DDIT4L: variants seen among roughly 807,000 people sequenced by gnomAD.
DDIT4L encodes DNA damage-inducible transcript 4-like protein.
DDIT4L carries 13 observed loss-of-function variants against 15.9 expected under a neutral mutation model. The observed-to-expected ratio is 0.82, with a 90% CI of 0.53 to 1.30. DDIT4L has a LOEUF of 1.30. Among genes scored for constraint, DDIT4L ranks in the 50% most tolerant of loss-of-function variants. The probability of loss-of-function intolerance (pLI) is 0.00; values close to 1 mark genes in which losing one functional copy is unlikely to be tolerated. For missense variants in DDIT4L, 235 were observed against 224.8 expected (o/e 1.05, Z -0.29); for synonymous variants, 82 against 85.4 (o/e 0.96, Z 0.22).
Position 100,186,175 on chromosome 4 carries a change from G to A in DDIT4L, c.*1502C>T, listed in dbSNP as rs989219410. The A allele has an allele frequency of 3.3e-5, 5 of 152,216 alleles. No individual in the cohort carries two copies. Among genetic ancestry groups the A allele is most frequent in the African/African-American group, 1.2e-4 (5 of 41,448 alleles). 9.4% of individuals were successfully genotyped at this position (152,216 alleles called of 1,614,324 possible). On this transcript the variant is annotated 3_prime_UTR_variant, in exon 3 of 3. Transcript: ENST00000273990. The stretch of plus-strand genomic sequence containing the variant: ...CAATTCTATAAAGATTGGCTTTGTA[G>A]TATCTTTCCAAGCATTTGAAGAGTT...
At chr4:100,189,870 G>C in intron 2 of DDIT4L, 23 bp downstream of exon 2, 1 of 1,610,910 alleles carries the variant, frequency 6.2e-7, no homozygotes, top group East Asian at 2.2e-5. Context: ...GAGGGGAGAA[G>C]GGTGGACAGC....
chr4:100,186,859 A>T lies in DDIT4L; in HGVS notation c.*818T>A, dbSNP rs182259904. On this transcript the variant is annotated 3_prime_UTR_variant, in exon 3 of 3. Transcript: ENST00000273990. The stretch of plus-strand genomic sequence containing the variant: ...GACTAGATCTCAGAACTAATTTCCT[A>T]TCCTCACAGGTATTCATCATTCACT... 23 of 152,332 alleles carry T rather than the reference A, an allele frequency of 1.5e-4. No individual in the cohort carries two copies. The highest frequency in any genetic ancestry group is 5.2e-4 in the Admixed American group (8 of 15,298). 9.4% of individuals were successfully genotyped at this position (152,332 alleles called of 1,614,324 possible).
chr4:100,187,597 C>A lies in DDIT4L; in HGVS notation c.*80G>T, dbSNP rs1723440246. The A allele has an allele frequency of 1.4e-6, 2 of 1,468,548 alleles. No individual in the cohort carries two copies. The highest frequency in any genetic ancestry group is 2.5e-5 in the East Asian group (1 of 39,560). 91.0% of individuals were successfully genotyped at this position (1,468,548 alleles called of 1,614,324 possible). ...GGTTTCTTATTTAGGGCAGGTGGGG[C>A]AAACTACAAATGACTTTAGCTGACT... On this transcript the variant is annotated 3_prime_UTR_variant, in exon 3 of 3. Transcript: ENST00000273990.
At position 100,187,482 on chromosome 4, in the gene DDIT4L, T is replaced by C. The variant is rs371763468; in HGVS notation, c.*195A>G. The stretch of plus-strand genomic sequence containing the variant: ...ATCTATGCAGAAAATCTACACTATT[T>C]TGAATCACTTCTCCAAAGGCCAGAA... On this transcript the variant is annotated 3_prime_UTR_variant, in exon 3 of 3. Coordinates refer to ENST00000273990, the MANE Select transcript of DDIT4L (RefSeq NM_145244.4). The C allele has an allele frequency of 7.0e-6, 4 of 569,232 alleles. No individual in the cohort carries two copies. In the East Asian group the frequency reaches 1.4e-4, roughly 20 times the overall value. The allele number at this position is 569,232 out of a possible 1,614,324, so 35.3% of individuals were successfully genotyped here. A position where few individuals can be genotyped will look rare whatever the true frequency, so the allele number is the denominator to read the frequency against.
chr4:100,190,379 C>G lies in DDIT4L; in HGVS notation c.-126G>C. On this transcript the variant is annotated 5_prime_UTR_variant, in exon 1 of 3. Transcript: ENST00000273990. ...AGGTGGCTTCTTAGGAGTCCCCTCTCCTGGGGACTCGGTGACCTGCAGACC... is the reference window on the plus strand; with the variant it reads ...AGGTGGCTTCTTAGGAGTCCCCTCTGCTGGGGACTCGGTGACCTGCAGACC... 4.5e-6 allele frequency: 1 copy of G among 221,386 alleles called. No homozygotes were observed. Among genetic ancestry groups the G allele is most frequent in the South Asian group, 6.1e-5 (1 of 16,510 alleles). The allele number at this position is 221,386 out of a possible 1,614,324, so 13.7% of individuals were successfully genotyped here. A position where few individuals can be genotyped will look rare whatever the true frequency, so the allele number is the denominator to read the frequency against.
chr4:100,189,797 A>G (rs1045053135), intron 2 of DDIT4L, 96 bp downstream of exon 2: 13 of 1,121,020 alleles, frequency 1.2e-5, no homozygotes, highest in African/African-American at 6.2e-5. Flanking sequence ...CACCTCCTAC[A>G]TAGAGGTAGG....
intron 2 of DDIT4L, among the ~76,000 whole-genome samples, chr4:100,188,451 C>T (rs1286722217): frequency 6.6e-6 from 1 of 152,152 alleles, no homozygotes; most frequent in Non-Finnish European, 1.5e-5. Flanking sequence ...ACACAAAACA[C>T]ACACACAACC....
intron 1 of DDIT4L, 115 bp from the exon 2 acceptor site, chr4:100,190,147 G>A (rs2110149499): frequency 3.2e-6 from 2 of 634,766 alleles, no homozygotes; most frequent in Non-Finnish European, 5.5e-6. Flanking sequence ...CTTTGCCAAA[G>A]GGGTGGAACC....
chr4:100,186,600 C>T lies in DDIT4L; in HGVS notation c.*1077G>A, dbSNP rs1468137874. The T allele has an allele frequency of 2.6e-5, 4 of 152,158 alleles. No individual in the cohort carries two copies. In the East Asian group the frequency reaches 7.7e-4, roughly 29 times the overall value. 9.4% of individuals were successfully genotyped at this position (152,158 alleles called of 1,614,324 possible). On this transcript the variant is annotated 3_prime_UTR_variant, in exon 3 of 3. Transcript: ENST00000273990. ...TGGACGGTGAGTTTCATTCTCTAGG[C>T]TGTACTATAAACCATATCTCCATAG... is the stretch of plus-strand genomic sequence containing the variant.
Position 100,188,092 on chromosome 4 carries a change from T to C in DDIT4L, c.167A>G (p.Asn56Ser), listed in dbSNP as rs551618170. 143 of 1,614,044 alleles carry C rather than the reference T, an allele frequency of 8.9e-5. 1 individual carries two copies. In the South Asian group the frequency reaches 1.5e-3, roughly 17 times the overall value. ...EVIFEESTCQ[N>S]LVKMLENCLS... is the part of the protein sequence containing the mutation. ...ACAGTTCTCCAGCATTTTAACCAAA[T>C]TCTGGCAAGTTGATTCCTCAAATAT... is the stretch of plus-strand genomic sequence containing the variant. The change falls in exon 3 of 3, where the codon AAT (asparagine) becomes AGT (serine). Residue 56 changes from asparagine to serine, a missense_variant. Asn to Ser is a conservative substitution (Grantham distance 46, BLOSUM62 1). Coordinates refer to ENST00000273990, the MANE Select transcript of DDIT4L (RefSeq NM_145244.4).
Position 100,188,031 on chromosome 4 carries a change from TG to T in DDIT4L, c.227del (p.Ser76Ter), listed in dbSNP as rs1456510335. ...TCAGTTTCTCAGGGACAAGGACCTTTGAGCAACCAAGTTTAGTTTGCTTTGA... is the reference window on the plus strand; with the variant it reads ...TCAGTTTCTCAGGGACAAGGACCTTTAGCAACCAAGTTTAGTTTGCTTTGA... ...SKSKQTKLGCSKVLVPEKLTQ... is the reference protein window; with the variant it reads ...SKSKQTKLGCXKVLVPEKLTQ... On this transcript the variant is annotated frameshift_variant, in exon 3 of 3. Transcript: ENST00000273990. LOFTEE classifies it high-confidence loss of function. 6.2e-7 allele frequency: 1 copy of T among 1,614,112 alleles called. No individual in the cohort carries two copies. The highest frequency in any genetic ancestry group is 1.3e-5 in the African/African-American group (1 of 74,940).
Position 100,190,018 on chromosome 4 carries a change from G to C in DDIT4L, c.-35C>G. The C allele has an allele frequency of 6.3e-7, 1 of 1,597,040 alleles. No homozygotes were observed. The highest frequency in any genetic ancestry group is 8.6e-7 in the Non-Finnish European group (1 of 1,164,856). ...CTCTGTTTCCTTCGCGAGGCGCAACGGCCTTTCCTGAGCGCTGGAAAAAAT... is the reference window on the plus strand; with the variant it reads ...CTCTGTTTCCTTCGCGAGGCGCAACCGCCTTTCCTGAGCGCTGGAAAAAAT... On this transcript the variant is annotated 5_prime_UTR_variant, in exon 2 of 3. Coordinates refer to ENST00000273990, the MANE Select transcript of DDIT4L (RefSeq NM_145244.4).
rs577739259 is a variant in DDIT4L, at chr4:100,187,647, C to G, written c.*30G>C. 5 of 1,563,814 alleles carry G rather than the reference C, an allele frequency of 3.2e-6. No homozygotes were observed. In the South Asian group the frequency reaches 4.9e-5, roughly 15 times the overall value. On this transcript the variant is annotated 3_prime_UTR_variant, in exon 3 of 3. Coordinates refer to ENST00000273990, the MANE Select transcript of DDIT4L (RefSeq NM_145244.4). ...TAGCTGAATAGTTTTACTACCCAAT[C>G]ATGAAATAATCTTTATATATTTTCC... is the stretch of plus-strand genomic sequence containing the variant.
rs1723421249 is a variant in DDIT4L at position 100,186,417 on chromosome 4, T to C, written c.*1260A>G. ...GCAAGGATATGAAAGCCTTGCTGAA[T>C]TGAACATTGTTGAGTGGAGGCTAAA... On this transcript the variant is annotated 3_prime_UTR_variant, in exon 3 of 3. Transcript: ENST00000273990. 1 of 152,140 alleles carries C rather than the reference T, an allele frequency of 6.6e-6. No individual in the cohort carries two copies. 9.4% of individuals were successfully genotyped at this position (152,140 alleles called of 1,614,324 possible). A position where few individuals can be genotyped will look rare whatever the true frequency, so the allele number is the denominator to read the frequency against.
chr4:100,187,782 G>C lies in DDIT4L; in HGVS notation c.477C>G (p.Arg159=), dbSNP rs971106686. Residue 159 remains arginine, a synonymous_variant, in exon 3 of 3, where the codon CGC becomes CGG. Coordinates refer to ENST00000273990, the MANE Select transcript of DDIT4L (RefSeq NM_145244.4). ...SFRDFFFSRG[R]FSSGFRRTLI... ...GAGTTCTCCTGAAACCAGAGGAGAA[G>C]CGACCTCTACTAAAGAAAAAGTCCC... is the stretch of plus-strand genomic sequence containing the variant. The C allele has an allele frequency of 3.7e-6, 6 of 1,612,868 alleles. No individual in the cohort carries two copies. The Admixed American group carries it at 6.7e-5, about 18-fold the overall frequency.
intron 2 of DDIT4L, among the ~76,000 whole-genome samples, chr4:100,188,548 T>A (rs1723462282): frequency 6.6e-6 from 1 of 152,112 alleles, no homozygotes; most frequent in Non-Finnish European, 1.5e-5. Context: ...CTTATGGGGG[T>A]TTTCTAATTT....
chr4:100,190,054 G>A lies in DDIT4L; in HGVS notation c.-49-22C>T, dbSNP rs1044570038. 1.1e-5 allele frequency: 16 copies of A among 1,480,364 alleles called. No homozygotes were observed. In the African/African-American group the frequency reaches 1.1e-4, roughly 10 times the overall value. 91.7% of individuals were successfully genotyped at this position (1,480,364 alleles called of 1,614,324 possible). The stretch of plus-strand genomic sequence containing the variant: ...AGCGCTGGAAAAAATGAGGCGAGAA[G>A]AGACGGATTTGCAAAAGCAGGCGAG... On this transcript the variant is annotated intron_variant, in intron 1 of 2. Transcript: ENST00000273990.
chr4:100,189,187 C>T (rs1485303215), intron 2 of DDIT4L, among the ~76,000 whole-genome samples: 1 of 152,348 alleles, frequency 6.6e-6, no homozygotes, highest in East Asian at 1.9e-4. Flanking sequence ...TATCTATGCT[C>T]TTACAGCTCT....
intron 2 of DDIT4L, among the ~76,000 whole-genome samples, chr4:100,189,221 C>A (rs1279488145): frequency 6.6e-6 from 1 of 152,216 alleles, no homozygotes; most frequent in Non-Finnish European, 1.5e-5. Flanking sequence ...AGTGTGTTCA[C>A]CTAGAAACTG....
Sources: gnomAD v4.1 joint callset for allele counts (sites outside exome capture counted in the v4.1 genomes callset) on GRCh38, gnomAD v4.1.1 for gene constraint, MANE v1.5 for transcripts, NCBI Gene and HGNC (gene_info 2026-07-23, HGNC 2026-07-21) for gene names.